RCC2: variants seen among roughly 807,000 people sequenced by gnomAD.
The protein encoded by RCC2 is protein RCC2.
A neutral mutation model predicts 64.1 loss-of-function variants in RCC2; 19 were observed. That is an observed-to-expected ratio of 0.30 (90% confidence interval 0.21 to 0.44). The LOEUF is 0.44. Among genes scored for constraint, RCC2 ranks in the 20% least tolerant of loss-of-function variants. The pLI is 1.00. For synonymous variants in RCC2, 325 were observed against 279.6 expected (o/e 1.16, Z -1.62); for missense variants, 508 against 710.4 (o/e 0.72, Z 3.24).
At chr1:17,414,134 T>G (rs2075455774) in intron 8 of RCC2, among the ~76,000 whole-genome samples, 1 of 152,240 alleles carries the variant, frequency 6.6e-6, no homozygotes, top group Non-Finnish European at 1.5e-5. Flanking sequence ...AATCCTTTTT[T>G]GTTCTGTTTA....
In RCC2 at chr1:17,408,844, T is replaced by G. The variant is rs140308778; in HGVS notation, c.*246A>C. 1,698 of 441,704 alleles carry G rather than the reference T, an allele frequency of 3.8e-3. 8 individuals carry two copies. Among genetic ancestry groups the G allele is most frequent in the Middle Eastern group, 0.019 (30 of 1,584 alleles). 27.4% of individuals were successfully genotyped at this position (441,704 alleles called of 1,614,324 possible). On this transcript the variant is annotated 3_prime_UTR_variant, in exon 13 of 13. Transcript: ENST00000375436. Reference sequence around the variant, plus strand: ...GTTTCTGCCTCTTTTGTAGGAATGGTAAATCAACTATGAGCAAGTATTTTA... The same window carrying G: ...GTTTCTGCCTCTTTTGTAGGAATGGGAAATCAACTATGAGCAAGTATTTTA...
chr1:17,420,130 G>A (rs188205872), intron 7 of RCC2, among the ~76,000 whole-genome samples: 1 of 152,314 alleles, frequency 6.6e-6, no homozygotes, highest in East Asian at 1.9e-4. Flanking sequence ...CTTAGGGTCC[G>A]ATGGGAAGGA....
rs1453363482 is a variant in RCC2 at position 17,409,965 on chromosome 1, C to T, written c.1464+9G>A. 6.2e-7 allele frequency: 1 copy of T among 1,613,032 alleles called. No homozygotes were observed. Reference sequence around the variant, plus strand: ...ACGTCCCCGAGCTGGCACAGCTGCCCCCACTCACCTGCTCTGAGAAAATGC... The same window carrying T: ...ACGTCCCCGAGCTGGCACAGCTGCCTCCACTCACCTGCTCTGAGAAAATGC... On this transcript the variant is annotated intron_variant, in intron 12 of 12. Coordinates refer to ENST00000375436, the MANE Select transcript of RCC2 (RefSeq NM_018715.4).
chr1:17,430,169 G>A (rs889969645), intron 2 of RCC2, among the ~76,000 whole-genome samples: 2 of 152,208 alleles, frequency 1.3e-5, no homozygotes, highest in African/African-American at 4.8e-5. Context: ...TTTCCTGGAC[G>A]TGAAAAGGAA....
At chr1:17,428,376 C>T (rs189972567) in intron 3 of RCC2, among the ~76,000 whole-genome samples, 2 of 152,192 alleles carry the variant, frequency 1.3e-5, no homozygotes, top group Non-Finnish European at 2.9e-5. Flanking sequence ...TCTAATTCAG[C>T]TGGCCCCCAG....
chr1:17,438,544 C>T (rs1374772180), intron 1 of RCC2, 22 bp from the exon 2 acceptor site: 3 of 1,307,462 alleles, frequency 2.3e-6, no homozygotes, highest in East Asian at 2.8e-5. Context: ...CACGGGGCAG[C>T]GGCGCACAAT....
chr1:17,418,361 A>G (rs1469660510), intron 7 of RCC2, among the ~76,000 whole-genome samples: 1 of 152,078 alleles, frequency 6.6e-6, no homozygotes, highest in East Asian at 1.9e-4. Flanking sequence ...TGTCCGTTTA[A>G]AAGTCTGAGG....
Position 17,425,689 on chromosome 1 carries a change from A to T in RCC2, c.380-5T>A. 2 of 1,603,228 alleles carry T rather than the reference A, an allele frequency of 1.2e-6. No homozygotes were observed. The highest frequency in any genetic ancestry group is 1.7e-6 in the Non-Finnish European group (2 of 1,171,344). On this transcript the variant is annotated splice_polypyrimidine_tract_variant and splice_region_variant and intron_variant, in intron 3 of 12. Transcript: ENST00000375436. ...GACCGAGATTGCGGTAAGCAGCTGCAGAGAGAATGAGAATGCAGATCAGAC... is the reference window on the plus strand; with the variant it reads ...GACCGAGATTGCGGTAAGCAGCTGCTGAGAGAATGAGAATGCAGATCAGAC...
At chr1:17,432,615 T>A (rs1427662643) in intron 2 of RCC2, among the ~76,000 whole-genome samples, 32 of 152,110 alleles carry the variant, frequency 2.1e-4, no homozygotes, top group Non-Finnish European at 4.4e-5. Context: ...ACCAGAAGCC[T>A]CAGCTCCATC....
chr1:17,417,435 A>G (rs964607012), intron 7 of RCC2, among the ~76,000 whole-genome samples: 4 of 152,204 alleles, frequency 2.6e-5, no homozygotes, highest in African/African-American at 9.7e-5. Context: ...TGGGAGGCCG[A>G]AGTGGGTGGA....
At chr1:17,421,643 G>GA (rs199986193) in intron 6 of RCC2, among the ~76,000 whole-genome samples, 1,964 of 152,288 alleles carry the variant, frequency 0.013, 17 homozygotes, top group Non-Finnish European at 0.021. Context: ...ACAGGCTTAC[G>GA]ACAAGGCATT....
At chr1:17,418,831 C>A (rs541352082) in intron 7 of RCC2, among the ~76,000 whole-genome samples, 2 of 152,326 alleles carry the variant, frequency 1.3e-5, no homozygotes, top group South Asian at 2.1e-4. Context: ...TTCAGCAAGG[C>A]AGTCAACAAA....
At chr1:17,437,579 C>G (rs139281728) in intron 2 of RCC2, among the ~76,000 whole-genome samples, 910 of 28,586 alleles carry the variant, frequency 0.032, 26 homozygotes, top group Admixed American at 0.23. Flanking sequence ...AGAGCCCTCG[C>G]GAGCATCCTG....
At chr1:17,424,353 CAAGTG>C (rs2075590168) in intron 4 of RCC2, among the ~76,000 whole-genome samples, 1 of 152,212 alleles carries the variant, frequency 6.6e-6, no homozygotes, top group South Asian at 2.1e-4. Flanking sequence ...AGCCACCACG[CAAGTG>C]AAGCTCAGCG....
In RCC2 at chr1:17,407,441, C is replaced by T. The variant is rs993477813; in HGVS notation, c.*1649G>A. 6.6e-5 allele frequency: 10 copies of T among 152,272 alleles called. No homozygotes were observed. The highest frequency in any genetic ancestry group is 2.0e-4 in the Admixed American group (3 of 15,282). The allele number at this position is 152,272 out of a possible 1,614,324, so 9.4% of individuals were successfully genotyped here. A position where few individuals can be genotyped will look rare whatever the true frequency, so the allele number is the denominator to read the frequency against. ...GACAAATTAGGTTAGTTTAGCAAAGCTCTGAAGTAGCAGAAGCTTCTCCCC... is the reference window on the plus strand; with the variant it reads ...GACAAATTAGGTTAGTTTAGCAAAGTTCTGAAGTAGCAGAAGCTTCTCCCC... On this transcript the variant is annotated 3_prime_UTR_variant, in exon 13 of 13. Coordinates refer to ENST00000375436, the MANE Select transcript of RCC2 (RefSeq NM_018715.4).
chr1:17,420,175 C>T (rs984962170), intron 7 of RCC2, among the ~76,000 whole-genome samples: 1 of 152,172 alleles, frequency 6.6e-6, no homozygotes, highest in African/African-American at 2.4e-5. Flanking sequence ...ACACTCCCCC[C>T]ACTAACTGAG....
rs139598727 is a variant in RCC2 at position 17,408,276 on chromosome 1, G to A, written c.*814C>T. 506 of 152,378 alleles carry A rather than the reference G, an allele frequency of 3.3e-3. 2 individuals carry two copies. The highest frequency in any genetic ancestry group is 5.3e-3 in the Non-Finnish European group (361 of 68,076). The allele number at this position is 152,378 out of a possible 1,614,324, so 9.4% of individuals were successfully genotyped here. ...TCCATCTCTTAATTGGCGAGTGCGC[G>A]TGACAAGGCTCAGCCCTGGCTCCAC... is the stretch of plus-strand genomic sequence containing the variant. On this transcript the variant is annotated 3_prime_UTR_variant, in exon 13 of 13. Transcript: ENST00000375436.
At chr1:17,426,951 G>C (rs556820972) in intron 3 of RCC2, among the ~76,000 whole-genome samples, 1 of 151,986 alleles carries the variant, frequency 6.6e-6, no homozygotes, top group South Asian at 2.1e-4. Flanking sequence ...TTAGTAGAGA[G>C]GGTTTCACCA....
intron 2 of RCC2, among the ~76,000 whole-genome samples, chr1:17,432,237 G>A (rs1346289507): frequency 6.6e-6 from 1 of 152,212 alleles, no homozygotes; most frequent in Non-Finnish European, 1.5e-5. Context: ...ACTTGAATTG[G>A]AGCCTAGCTT....
Sources: gnomAD v4.1 joint callset for allele counts (sites outside exome capture counted in the v4.1 genomes callset) on GRCh38, gnomAD v4.1.1 for gene constraint, MANE v1.5 for transcripts, NCBI Gene and HGNC (gene_info 2026-07-23, HGNC 2026-07-21) for gene names.